ZSWIM6: variants seen among roughly 807,000 people sequenced by gnomAD.
ZSWIM6 encodes zinc finger SWIM domain-containing protein 6.
A neutral mutation model predicts 113.2 loss-of-function variants in ZSWIM6; 9 were observed. The observed-to-expected ratio is 0.08, with a 90% confidence interval of 0.05 to 0.14. The LOEUF (loss-of-function observed/expected upper bound fraction) is 0.14, where lower values mean the gene tolerates loss of function less well. Among genes scored for constraint, ZSWIM6 ranks in the 10% least tolerant of loss-of-function variants. The pLI is 1.00. For missense variants in ZSWIM6, 1,162 were observed against 1,552.2 expected (o/e 0.75, Z 4.22); for synonymous variants, 611 against 606.5 (o/e 1.01, Z -0.11).
At chr5:61,525,249 A>G (rs1239530385) in intron 5 of ZSWIM6, among the ~76,000 whole-genome samples, 2 of 152,256 alleles carry the variant, frequency 1.3e-5, no homozygotes, top group African/African-American at 4.8e-5. Context: ...TTTAAGCATT[A>G]TATCCCAAGA....
At chr5:61,424,486 A>G (rs1032455253) in intron 1 of ZSWIM6, among the ~76,000 whole-genome samples, 1 of 152,156 alleles carries the variant, frequency 6.6e-6, no homozygotes. Context: ...ACGCTGACAG[A>G]TAATCTCGGT....
chr5:61,356,751 A>G (rs1320247753), intron 1 of ZSWIM6, among the ~76,000 whole-genome samples: 2 of 139,360 alleles, frequency 1.4e-5, no homozygotes, highest in Non-Finnish European at 3.1e-5. Flanking sequence ...ATATATATAT[A>G]TTATATATAA....
At chr5:61,417,163 G>A (rs544140862) in intron 1 of ZSWIM6, among the ~76,000 whole-genome samples, 1 of 151,922 alleles carries the variant, frequency 6.6e-6, no homozygotes, top group Admixed American at 6.6e-5. Flanking sequence ...AAATAAAAGC[G>A]CATACCTTTG....
At chr5:61,344,334 C>G (rs1043211036) in intron 1 of ZSWIM6, among the ~76,000 whole-genome samples, 1 of 152,202 alleles carries the variant, frequency 6.6e-6, no homozygotes, top group Admixed American at 6.5e-5. Flanking sequence ...ATACTTTTCT[C>G]TAGACAGTGG....
chr5:61,364,849 C>T (rs1408944504), intron 1 of ZSWIM6, among the ~76,000 whole-genome samples: 1 of 152,142 alleles, frequency 6.6e-6, no homozygotes, highest in Non-Finnish European at 1.5e-5. Context: ...CCACCTAACA[C>T]CATCACATTG....
At chr5:61,441,306 G>A (rs1043275844) in intron 1 of ZSWIM6, among the ~76,000 whole-genome samples, 28 of 152,136 alleles carry the variant, frequency 1.8e-4, no homozygotes, top group Non-Finnish European at 2.5e-4. Context: ...TGTCCTGGAT[G>A]TGAGGATAGC....
chr5:61,417,646 T>G (rs1746283330), intron 1 of ZSWIM6, among the ~76,000 whole-genome samples: 1 of 152,242 alleles, frequency 6.6e-6, no homozygotes. Flanking sequence ...CCATCATTAC[T>G]GTAGCTAATC....
chr5:61,402,343 G>C (rs1034957234), intron 1 of ZSWIM6, among the ~76,000 whole-genome samples: 1 of 152,160 alleles, frequency 6.6e-6, no homozygotes, highest in Non-Finnish European at 1.5e-5. Context: ...AAGTTCTAAT[G>C]TGGTTTTTAG....
At chr5:61,349,764 C>T (rs1201668281) in intron 1 of ZSWIM6, among the ~76,000 whole-genome samples, 1 of 152,004 alleles carries the variant, frequency 6.6e-6, no homozygotes, top group Non-Finnish European at 1.5e-5. Context: ...TTTTGGGTTA[C>T]CTAGAAAAAT....
At chr5:61,353,879 G>C (rs900524908) in intron 1 of ZSWIM6, among the ~76,000 whole-genome samples, 2 of 152,180 alleles carry the variant, frequency 1.3e-5, no homozygotes, top group African/African-American at 2.4e-5. Context: ...GGCAGTAGAG[G>C]TGCACACACC....
At chr5:61,359,191 T>G (rs1744981518) in intron 1 of ZSWIM6, among the ~76,000 whole-genome samples, 1 of 152,000 alleles carries the variant, frequency 6.6e-6, no homozygotes, top group African/African-American at 2.4e-5. Flanking sequence ...CATCCAGATA[T>G]GGAGGGACCA....
intron 1 of ZSWIM6, among the ~76,000 whole-genome samples, chr5:61,432,955 A>G (rs569122929): frequency 1.3e-5 from 2 of 152,302 alleles, no homozygotes; most frequent in African/African-American, 2.4e-5. Flanking sequence ...TACTCCATAT[A>G]GAAGGAAAGA....
intron 1 of ZSWIM6, among the ~76,000 whole-genome samples, chr5:61,470,014 A>C (rs1747530615): frequency 6.6e-6 from 1 of 152,128 alleles, no homozygotes; most frequent in Non-Finnish European, 1.5e-5. Flanking sequence ...GCCAATAGTT[A>C]AATCAGTCTT....
chr5:61,494,769 GTCTT>G (rs1324014671), intron 4 of ZSWIM6, among the ~76,000 whole-genome samples: 1 of 152,074 alleles, frequency 6.6e-6, no homozygotes, highest in Non-Finnish European at 1.5e-5. Context: ...AAAATTTAGA[GTCTT>G]TCTTCCCCCT....
chr5:61,419,118 G>C (rs573476083), intron 1 of ZSWIM6, among the ~76,000 whole-genome samples: 1 of 152,210 alleles, frequency 6.6e-6, no homozygotes. Flanking sequence ...CACCACGCCC[G>C]GCCTCCTCTT....
intron 1 of ZSWIM6, among the ~76,000 whole-genome samples, chr5:61,398,435 C>G (rs1391537574): frequency 6.6e-6 from 1 of 152,074 alleles, no homozygotes; most frequent in Non-Finnish European, 1.5e-5. Flanking sequence ...TGAATCGGTC[C>G]CTGGTGCCGA....
At chr5:61,498,742 A>G (rs758237468) in intron 4 of ZSWIM6, among the ~76,000 whole-genome samples, 7 of 152,186 alleles carry the variant, frequency 4.6e-5, no homozygotes, top group Non-Finnish European at 8.8e-5. Context: ...GTAACCACCT[A>G]CATTATTCTT....
intron 1 of ZSWIM6, among the ~76,000 whole-genome samples, chr5:61,455,680 G>A (rs548523636): frequency 1.3e-5 from 2 of 152,106 alleles, no homozygotes; most frequent in African/African-American, 2.4e-5. Flanking sequence ...AGGACTGGTA[G>A]CCCAGCTTAG....
chr5:61,359,413 T>G (rs1269996919), intron 1 of ZSWIM6, among the ~76,000 whole-genome samples: 1 of 152,092 alleles, frequency 6.6e-6, no homozygotes, highest in Non-Finnish European at 1.5e-5. Flanking sequence ...CTCCTCCCCT[T>G]TAAAAAAATA....
Sources: gnomAD v4.1 joint callset for allele counts (sites outside exome capture counted in the v4.1 genomes callset) on GRCh38, gnomAD v4.1.1 for gene constraint, MANE v1.5 for transcripts, NCBI Gene and HGNC (gene_info 2026-07-23, HGNC 2026-07-21) for gene names.